OSGEP: variants seen among roughly 807,000 people sequenced by gnomAD.
OSGEP encodes the protein tRNA N6-adenosine threonylcarbamoyltransferase.
A neutral mutation model predicts 44.1 loss-of-function variants in OSGEP; 39 were observed. The ratio of observed to expected loss-of-function variants is 0.88; its 90% CI spans 0.69 to 1.16. The LOEUF is 1.16. Ranked by LOEUF, OSGEP falls within the 50% of genes most tolerant of loss-of-function variation. OSGEP has a pLI of 0.00. For synonymous variants in OSGEP, 139 were observed against 161.9 expected (o/e 0.86, Z 1.07); for missense variants, 403 against 443.1 (o/e 0.91, Z 0.81).
rs368272290 is a variant in OSGEP, at chr14:20,447,860, A to T, written c.793+44T>A. 5 of 1,388,770 alleles carry T rather than the reference A, an allele frequency of 3.6e-6. No individual in the cohort carries two copies. The African/African-American group carries it at 4.3e-5, about 12-fold the overall frequency. The allele number at this position is 1,388,770 out of a possible 1,614,324, so 86.0% of individuals were successfully genotyped here. A position where few individuals can be genotyped will look rare whatever the true frequency, so the allele number is the denominator to read the frequency against. ...TTAGAGTACCAGGAGGAAGACGCAT[A>T]GTGTTAAGAATAGGAAAGAGGAACA... On this transcript the variant is annotated intron_variant, in intron 8 of 10. Coordinates refer to ENST00000206542, the MANE Select transcript of OSGEP (RefSeq NM_017807.4).
chr14:20,454,196 A>G (rs532314339), intron 1 of OSGEP, among the ~76,000 whole-genome samples: 1 of 152,250 alleles, frequency 6.6e-6, no homozygotes, highest in South Asian at 2.1e-4. Context: ...AAGGGAGTGT[A>G]TATTCAGGGC....
chr14:20,453,481 C>G (rs1315275423), intron 1 of OSGEP, among the ~76,000 whole-genome samples: 2 of 152,110 alleles, frequency 1.3e-5, no homozygotes, highest in Non-Finnish European at 2.9e-5. Context: ...ATTCTCCTGC[C>G]TCAGCCTCCC....
chr14:20,447,760 T>C (rs1226415926), intron 8 of OSGEP, 70 bp from the exon 9 acceptor site: 51 of 1,330,430 alleles, frequency 3.8e-5, no homozygotes, highest in East Asian at 2.3e-4. Context: ...GAACACGTCA[T>C]GTGCACTCAC....
intron 3 of OSGEP, chr14:20,450,332 T>G (rs1206490505): frequency 6.6e-6 from 1 of 152,224 alleles, no homozygotes; most frequent in Non-Finnish European, 1.5e-5. Context: ...TCCCTTTCCC[T>G]TCCCAGTGCT....
At position 20,451,990 on chromosome 14, in the gene OSGEP, C is replaced by A; in HGVS notation, c.395G>T (p.Ser132Ile). The A allele has an allele frequency of 6.2e-7, 1 of 1,606,522 alleles. No individual in the cohort carries two copies. Among genetic ancestry groups the A allele is most frequent in the Non-Finnish European group, 8.5e-7 (1 of 1,176,206 alleles). Residue 132 changes from serine (S) to isoleucine (I), a missense_variant, in exon 3 of 11, where the codon AGT (serine) becomes ATT (isoleucine). By Grantham distance (142) the Ser-to-Ile change is moderately radical. Coordinates refer to ENST00000206542, the MANE Select transcript of OSGEP (RefSeq NM_017807.4). ...GATSPTVLYV[S>I]GGNTQVIAYS... ...TCTAAATACCTGCGTATTTCCTCCA[C>A]TCACATACAACACGGTTGGGCTGGT...
Position 20,447,132 on chromosome 14 carries a change from G to T in OSGEP, c.*108C>A. 1 of 915,264 alleles carries T rather than the reference G, an allele frequency of 1.1e-6. No homozygotes were observed. Among genetic ancestry groups the T allele is most frequent in the Non-Finnish European group, 1.8e-6 (1 of 562,112 alleles). The allele number at this position is 915,264 out of a possible 1,614,324, so 56.7% of individuals were successfully genotyped here. ...CCATAAAGGACCCCAAGCCTTGCTTGGAGTCTATAGCTTTGCTAGGACTCC... is the reference window on the plus strand; with the variant it reads ...CCATAAAGGACCCCAAGCCTTGCTTTGAGTCTATAGCTTTGCTAGGACTCC... On this transcript the variant is annotated 3_prime_UTR_variant, in exon 11 of 11. Transcript: ENST00000206542.
Position 20,447,160 on chromosome 14 carries a change from T to TG in OSGEP, c.*79dup. 1 of 1,216,568 alleles carries TG rather than the reference T, an allele frequency of 8.2e-7. No individual in the cohort carries two copies. Among genetic ancestry groups the TG allele is most frequent in the Non-Finnish European group, 1.2e-6 (1 of 819,590 alleles). The allele number at this position is 1,216,568 out of a possible 1,614,324, so 75.4% of individuals were successfully genotyped here. A position where few individuals can be genotyped will look rare whatever the true frequency, so the allele number is the denominator to read the frequency against. On this transcript the variant is annotated 3_prime_UTR_variant, in exon 11 of 11. Coordinates refer to ENST00000206542, the MANE Select transcript of OSGEP (RefSeq NM_017807.4). The stretch of plus-strand genomic sequence containing the variant: ...GTCTATAGCTTTGCTAGGACTCCCA[T>TG]GACATCAGGATAGAGATTGAGGCAC...
chr14:20,452,973 G>A (rs1881143567), intron 1 of OSGEP, among the ~76,000 whole-genome samples: 3 of 152,168 alleles, frequency 2.0e-5, no homozygotes, highest in African/African-American at 7.2e-5. Context: ...CTCCCAAAGT[G>A]CTGGGATTAC....
intron 10 of OSGEP, 52 bp downstream of exon 10, chr14:20,447,370 G>A (rs1566507515): frequency 6.2e-7 from 1 of 1,602,128 alleles, no homozygotes; most frequent in Non-Finnish European, 8.6e-7. Flanking sequence ...CTTCCCTGCT[G>A]TTTTTGTCTA....
At chr14:20,452,230 G>A (rs1360529330) in intron 2 of OSGEP, 81 bp from the exon 3 acceptor site, 10 of 1,581,290 alleles carry the variant, frequency 6.3e-6, no homozygotes, top group Non-Finnish European at 8.6e-6. Context: ...GTGAGGTGGG[G>A]TAGGGGTAGT....
chr14:20,452,640 C>G (rs1427875275), intron 1 of OSGEP, among the ~76,000 whole-genome samples, 192 bp from the exon 2 acceptor site: 1 of 152,034 alleles, frequency 6.6e-6, no homozygotes, highest in Admixed American at 6.6e-5. Context: ...CAGAAATGCT[C>G]TTCTTCTTAC....
chr14:20,454,222 T>C (rs917333074), intron 1 of OSGEP, among the ~76,000 whole-genome samples: 69 of 152,322 alleles, frequency 4.5e-4, no homozygotes, highest in African/African-American at 1.7e-3. Flanking sequence ...GAATCTATAC[T>C]CCTGCTAAGC....
intron 3 of OSGEP, chr14:20,450,153 C>T (rs1178643214): frequency 1.3e-5 from 2 of 152,086 alleles, no homozygotes; most frequent in African/African-American, 4.8e-5. Context: ...AAGCAATTCT[C>T]CTGCCTCAGC....
At position 20,454,806 on chromosome 14, in the gene OSGEP, T is replaced by C. The variant is rs916931000; in HGVS notation, c.-123A>G. On this transcript the variant is annotated 5_prime_UTR_variant, in exon 1 of 11. Coordinates refer to ENST00000206542, the MANE Select transcript of OSGEP (RefSeq NM_017807.4). ...CAGAGGAAGCTGGCCAGCCTGCAGA[T>C]AGCACTGGGAAAGACACCGCGGAAC... 13 of 693,900 alleles carry C rather than the reference T, an allele frequency of 1.9e-5. No individual in the cohort carries two copies. The highest frequency in any genetic ancestry group is 1.1e-4 in the East Asian group (4 of 36,792). The allele number at this position is 693,900 out of a possible 1,614,324, so 43.0% of individuals were successfully genotyped here.
At chr14:20,452,730 G>A (rs1433764174) in intron 1 of OSGEP, among the ~76,000 whole-genome samples, 1 of 116,556 alleles carries the variant, frequency 8.6e-6, no homozygotes, top group Non-Finnish European at 1.8e-5. Context: ...TTTTTCTTTT[G>A]AGACAGTCTC....
chr14:20,447,755 C>G, intron 8 of OSGEP, 65 bp from the exon 9 acceptor site: 1 of 1,359,842 alleles, frequency 7.4e-7, no homozygotes. Context: ...CAGCAGAACA[C>G]GTCATGTGCA....
chr14:20,448,171 C>T lies in OSGEP; in HGVS notation c.637G>A (p.Asp213Asn). Reference sequence around the variant, plus strand: ...GTGGCCAGCATCCGATGGGCTACATCCTACAATTAAAGGGAAAAACAAAAG... The same window carrying T: ...GTGGCCAGCATCCGATGGGCTACATTCTACAATTAAAGGGAAAAACAAAAG... ...SFSGILSFIE[D>N]VAHRMLATGE... is the part of the protein sequence containing the mutation. Residue 213 changes from aspartate (D) to asparagine (N), a missense_variant and splice_region_variant, in exon 7 of 11, where the codon GAT (aspartate) becomes AAT (asparagine). Asp to Asn is a conservative substitution (Grantham distance 23, BLOSUM62 1). Transcript: ENST00000206542. 2 of 1,612,092 alleles carry T rather than the reference C, an allele frequency of 1.2e-6. No homozygotes were observed. Among genetic ancestry groups the T allele is most frequent in the East Asian group, 2.2e-5 (1 of 44,872 alleles).
At chr14:20,452,180 T>C (rs779024929) in intron 2 of OSGEP, 31 bp from the exon 3 acceptor site, 77 of 1,572,440 alleles carry the variant, frequency 4.9e-5, no homozygotes, top group Non-Finnish European at 6.5e-5. Flanking sequence ...GTTATAATCC[T>C]AGAGATTGGA....
At chr14:20,449,305 TAA>T (rs1441888599) in intron 3 of OSGEP, 39 bp from the exon 4 acceptor site, 1 of 1,220,178 alleles carries the variant, frequency 8.2e-7, no homozygotes, top group East Asian at 2.3e-5. Flanking sequence ...CCCAAGTCTG[TAA>T]AGAGGATTAT....
Sources: gnomAD v4.1 joint callset for allele counts (sites outside exome capture counted in the v4.1 genomes callset) on GRCh38, gnomAD v4.1.1 for gene constraint, MANE v1.5 for transcripts, NCBI Gene and HGNC (gene_info 2026-07-23, HGNC 2026-07-21) for gene names.